The following MAGI1 variants were observed in gnomAD, a reference collection of about 807,000 sequenced individuals.
The protein encoded by MAGI1 is membrane associated guanylate kinase, WW and PDZ domain containing 1, also known as membrane-associated guanylate kinase, WW and PDZ domain-containing protein 1.
Under a neutral mutation model 139.9 loss-of-function variants are expected in MAGI1, and 58 were observed. That is an observed-to-expected ratio of 0.41 (90% CI 0.34 to 0.52). The LOEUF is 0.52. Ranked by LOEUF, MAGI1 falls within the 20% of genes least tolerant of loss-of-function variation. The pLI is 0.12. For synonymous variants in MAGI1, 812 were observed against 737.9 expected (o/e 1.10, Z -1.63); for missense variants, 1,874 against 1,901.6 (o/e 0.99, Z 0.27).
intron 1 of MAGI1, among the ~76,000 whole-genome samples, chr3:65,833,739 T>C (rs935760626): frequency 1.3e-5 from 2 of 152,246 alleles, no homozygotes; most frequent in Non-Finnish European, 2.9e-5. Context: ...GTGGCAGGCT[T>C]CAGCATGCTT....
intron 5 of MAGI1, 59 bp from the exon 6 acceptor site, chr3:65,453,399 G>C: frequency 8.4e-7 from 1 of 1,184,498 alleles, no homozygotes; most frequent in South Asian, 1.3e-5. Context: ...AAAGCAAGAA[G>C]CCCAATGACG....
rs766232795 is a variant in MAGI1, at chr3:65,478,849, T to C, written c.551-51A>G. 21 of 1,442,854 alleles carry C rather than the reference T, an allele frequency of 1.5e-5. No individual in the cohort carries two copies. The South Asian group carries it at 2.0e-4, about 14-fold the overall frequency. 89.4% of individuals were successfully genotyped at this position (1,442,854 alleles called of 1,614,324 possible). A position where few individuals can be genotyped will look rare whatever the true frequency, so the allele number is the denominator to read the frequency against. On this transcript the variant is annotated intron_variant, in intron 3 of 22. Coordinates refer to ENST00000402939, the MANE Select transcript of MAGI1 (RefSeq NM_001033057.2). ...ATGTTTCAAAAGGAATACTTTGTGT[T>C]TTTTTTTAAGACTTCACATCCAAAT...
At chr3:65,590,505 T>G (rs931614852) in intron 2 of MAGI1, among the ~76,000 whole-genome samples, 1 of 152,198 alleles carries the variant, frequency 6.6e-6, no homozygotes, top group African/African-American at 2.4e-5. Context: ...CACTTGCTAT[T>G]AAAACTTGTC....
At chr3:65,760,253 T>C (rs2036905652) in intron 1 of MAGI1, among the ~76,000 whole-genome samples, 2 of 151,942 alleles carry the variant, frequency 1.3e-5, no homozygotes, top group South Asian at 4.2e-4. Flanking sequence ...TGATTAATAA[T>C]TGTTTATGAC....
chr3:65,623,540 T>C (rs899554046), intron 1 of MAGI1, among the ~76,000 whole-genome samples: 1 of 152,210 alleles, frequency 6.6e-6, no homozygotes, highest in African/African-American at 2.4e-5. Flanking sequence ...TTTCCATTTT[T>C]AGACAAGATA....
chr3:65,633,780 C>T (rs1159252130), intron 1 of MAGI1, among the ~76,000 whole-genome samples: 5 of 152,032 alleles, frequency 3.3e-5, no homozygotes, highest in Non-Finnish European at 7.4e-5. Context: ...AGCAGAAAGA[C>T]AATGTTCCCC....
chr3:65,951,456 T>C (rs115607356), intron 1 of MAGI1, among the ~76,000 whole-genome samples: 2,129 of 152,312 alleles, frequency 0.014, 21 homozygotes, highest in Middle Eastern at 0.027. Flanking sequence ...AACTGTTGCA[T>C]CGAAATGGAG....
At chr3:65,563,616 A>G (rs895157773) in intron 2 of MAGI1, among the ~76,000 whole-genome samples, 19 of 152,318 alleles carry the variant, frequency 1.2e-4, no homozygotes, top group African/African-American at 4.3e-4. Flanking sequence ...CTGACATGTG[A>G]GTGAGACACC....
intron 1 of MAGI1, among the ~76,000 whole-genome samples, chr3:65,703,535 C>T (rs948440400): frequency 2.6e-5 from 4 of 152,244 alleles, no homozygotes; most frequent in African/African-American, 9.6e-5. Flanking sequence ...CCAGCCAGGA[C>T]CTTTCTTCCT....
chr3:65,911,808 G>T (rs935946689), intron 1 of MAGI1, among the ~76,000 whole-genome samples: 5 of 152,172 alleles, frequency 3.3e-5, no homozygotes, highest in African/African-American at 1.2e-4. Context: ...CACCCAGAAG[G>T]TGATACAAAT....
chr3:65,714,992 A>G (rs1236481423), intron 1 of MAGI1, among the ~76,000 whole-genome samples: 2 of 152,078 alleles, frequency 1.3e-5, no homozygotes, highest in Non-Finnish European at 2.9e-5. Flanking sequence ...AAGGATGGTG[A>G]CAAAGATATA....
intron 1 of MAGI1, among the ~76,000 whole-genome samples, chr3:66,031,583 T>C (rs1358187783): frequency 1.3e-5 from 2 of 152,176 alleles, no homozygotes; most frequent in Non-Finnish European, 2.9e-5. Context: ...GCTTCATTTT[T>C]TGTAAAACCT....
At chr3:65,660,544 G>A (rs544690614) in intron 1 of MAGI1, among the ~76,000 whole-genome samples, 68 of 152,304 alleles carry the variant, frequency 4.5e-4, no homozygotes, top group Admixed American at 9.8e-4. Flanking sequence ...TGACAACTCT[G>A]AAATCAACGC....
At chr3:65,897,355 A>G (rs1333979343) in intron 1 of MAGI1, among the ~76,000 whole-genome samples, 1 of 151,880 alleles carries the variant, frequency 6.6e-6, no homozygotes, top group Admixed American at 6.6e-5. Context: ...GAAACACAGC[A>G]AGAACCTGTC....
intron 1 of MAGI1, among the ~76,000 whole-genome samples, chr3:65,656,070 T>C (rs1458239122): frequency 6.6e-6 from 1 of 152,186 alleles, no homozygotes; most frequent in Non-Finnish European, 1.5e-5. Context: ...CTAACCATTC[T>C]GGATTTCAGT....
intron 2 of MAGI1, among the ~76,000 whole-genome samples, chr3:65,616,735 C>T (rs2083391129): frequency 6.6e-6 from 1 of 152,200 alleles, no homozygotes; most frequent in African/African-American, 2.4e-5. Context: ...GCAGAACTCT[C>T]AAGTTCATGA....
intron 3 of MAGI1, among the ~76,000 whole-genome samples, chr3:65,490,013 A>C (rs1183319779): frequency 6.6e-6 from 1 of 152,310 alleles, no homozygotes; most frequent in Non-Finnish European, 1.5e-5. Flanking sequence ...AGGGGAAAAA[A>C]GATGGTGAGT....
intron 1 of MAGI1, 127 bp downstream of exon 1, chr3:66,037,869 A>G: frequency 6.9e-7 from 1 of 1,455,824 alleles, no homozygotes; most frequent in South Asian, 1.4e-5. Context: ...CCGCCACCAC[A>G]GGGCGCACGG....
At chr3:65,898,592 T>C (rs1056172282) in intron 1 of MAGI1, among the ~76,000 whole-genome samples, 4 of 152,176 alleles carry the variant, frequency 2.6e-5, no homozygotes, top group Admixed American at 2.0e-4. Context: ...CTATGTCTCA[T>C]TTCACAAAAG....
Sources: allele counts gnomAD v4.1 joint callset (sites outside exome capture counted in the v4.1 genomes callset), GRCh38; gene constraint gnomAD v4.1.1; transcripts MANE v1.5; gene names NCBI Gene and HGNC (gene_info 2026-07-23, HGNC 2026-07-21).